Variants in DDHD1 observed in about 807,000 individuals in gnomAD.
DDHD1 encodes the protein phospholipase DDHD1.
A neutral mutation model predicts 96.4 loss-of-function variants in DDHD1; 49 were observed. That is an observed-to-expected ratio of 0.51 (90% CI 0.40 to 0.64). The LOEUF is 0.64. Among genes scored for constraint, DDHD1 ranks in the 30% least tolerant of loss-of-function variants. DDHD1 has a pLI of 0.00. For synonymous variants in DDHD1, 442 were observed against 446.5 expected (o/e 0.99, Z 0.13); for missense variants, 1,106 against 1,161.2 (o/e 0.95, Z 0.69).
At chr14:53,124,673 T>TAGTAAATATTTGTAA (rs1889299935) in intron 1 of DDHD1, among the ~76,000 whole-genome samples, 2 of 152,180 alleles carry the variant, frequency 1.3e-5, no homozygotes, top group Non-Finnish European at 2.9e-5. Context: ...ATTTACTAAT[T>TAGTAAATATTTGTAA]TTGATTCAAG....
At chr14:53,075,877 A>G (rs1163431184) in intron 4 of DDHD1, among the ~76,000 whole-genome samples, 1 of 152,170 alleles carries the variant, frequency 6.6e-6, no homozygotes, top group African/African-American at 2.4e-5. Flanking sequence ...ATAGCAGCAC[A>G]TCTTTTTTAC....
At position 53,046,608 on chromosome 14, in the gene DDHD1, CTTCT is replaced by C. The variant is rs908454125; in HGVS notation, c.*156_*159del. The C allele has an allele frequency of 4.8e-5, 21 of 439,858 alleles. No individual in the cohort carries two copies. The highest frequency in any genetic ancestry group is 4.0e-4 in the African/African-American group (12 of 30,274). 27.2% of individuals were successfully genotyped at this position (439,858 alleles called of 1,614,324 possible). A position where few individuals can be genotyped will look rare whatever the true frequency, so the allele number is the denominator to read the frequency against. On this transcript the variant is annotated 3_prime_UTR_variant, in exon 13 of 13. Transcript: ENST00000673822. ...TAAATGACTTCTTCAGAACTGAAAA[CTTCT>C]TTTTTTTTTAAATAAAGTGCTTTTA...
At chr14:53,143,926 T>A (rs924215434) in intron 1 of DDHD1, among the ~76,000 whole-genome samples, 8 of 152,228 alleles carry the variant, frequency 5.3e-5, no homozygotes, top group Non-Finnish European at 1.2e-4. Context: ...TCTACTTTAC[T>A]TTTTACAGGG....
chr14:53,115,703 G>A (rs946262849), intron 1 of DDHD1, among the ~76,000 whole-genome samples: 1 of 63,814 alleles, frequency 1.6e-5, no homozygotes, highest in African/African-American at 3.0e-5. Flanking sequence ...CACCAAGCCT[G>A]CCTTACAAGA....
intron 1 of DDHD1, among the ~76,000 whole-genome samples, chr14:53,115,356 A>C (rs972715868): frequency 4.6e-5 from 7 of 152,192 alleles, no homozygotes; most frequent in Admixed American, 4.6e-4. Context: ...GCCAACATTC[A>C]AATTCAGGAA....
At chr14:53,130,736 G>T (rs1889806799) in intron 1 of DDHD1, among the ~76,000 whole-genome samples, 1 of 152,166 alleles carries the variant, frequency 6.6e-6, no homozygotes, top group African/African-American at 2.4e-5. Context: ...GTAAGCTGTT[G>T]TCCCATCTGT....
intron 2 of DDHD1, among the ~76,000 whole-genome samples, chr14:53,095,531 C>A (rs1886818046): frequency 1.3e-5 from 2 of 152,082 alleles, no homozygotes; most frequent in South Asian, 2.1e-4. Flanking sequence ...TTATGAAAAA[C>A]CAATTTATAT....
chr14:53,112,995 T>C (rs1219490297), intron 1 of DDHD1, among the ~76,000 whole-genome samples: 1 of 152,200 alleles, frequency 6.6e-6, no homozygotes, highest in Non-Finnish European at 1.5e-5. Flanking sequence ...AGTCTCACTC[T>C]GTCATCCAGG....
chr14:53,118,201 G>A (rs944776085), intron 1 of DDHD1, among the ~76,000 whole-genome samples: 2 of 152,140 alleles, frequency 1.3e-5, no homozygotes, highest in African/African-American at 4.8e-5. Flanking sequence ...CCACAAAGAT[G>A]GGGAGAAACC....
intron 2 of DDHD1, among the ~76,000 whole-genome samples, chr14:53,100,353 C>T (rs369987114): frequency 5.9e-5 from 9 of 152,112 alleles, no homozygotes; most frequent in African/African-American, 1.9e-4. Flanking sequence ...TGGTAGTGTA[C>T]ACCTTCTTGG....
chr14:53,056,508 GCTGGTCTCAAACTC>G (rs1323122632), intron 9 of DDHD1, among the ~76,000 whole-genome samples: 1 of 152,028 alleles, frequency 6.6e-6, no homozygotes, highest in African/African-American at 2.4e-5. Context: ...TGGTGCCCAG[GCTGGTCTCAAACTC>G]CTGGGCTCAG....
chr14:53,135,998 T>G (rs1258199404), intron 1 of DDHD1, among the ~76,000 whole-genome samples: 1 of 152,106 alleles, frequency 6.6e-6, no homozygotes, highest in African/African-American at 2.4e-5. Flanking sequence ...AAAGTGAAAA[T>G]AGCCTTAACT....
intron 6 of DDHD1, among the ~76,000 whole-genome samples, chr14:53,067,156 C>CTT (rs749028980): frequency 1.5e-4 from 20 of 137,856 alleles, no homozygotes; most frequent in African/African-American, 4.5e-4. Context: ...TATTCCTTTT[C>CTT]TTTTTTTTTT....
At chr14:53,094,786 A>G (rs1886734120) in intron 2 of DDHD1, among the ~76,000 whole-genome samples, 1 of 151,598 alleles carries the variant, frequency 6.6e-6, no homozygotes, top group East Asian at 1.9e-4. Context: ...CAAGCCTGCA[A>G]TGAGCTATGA....
chr14:53,119,662 T>C (rs1566583344), intron 1 of DDHD1, among the ~76,000 whole-genome samples: 1 of 152,178 alleles, frequency 6.6e-6, no homozygotes, highest in African/African-American at 2.4e-5. Context: ...TGCAAATCAA[T>C]AAACGTAATC....
In DDHD1 at chr14:53,152,826, G is replaced by A. The variant is rs2358189; in HGVS notation, c.273C>T (p.Phe91=). ...DPCLSDENYD[F]SSAESGSSLR... ...GCGAGGAGCCCGACTCGGCGGAGCT[G>A]AAGTCATAGTTCTCGTCACTGAGGC... Residue 91 remains phenylalanine, a synonymous_variant, in exon 1 of 13, where the codon TTC becomes TTT. Transcript: ENST00000673822. The A allele has an allele frequency of 0.82, 1,327,840 of 1,611,876 alleles. 554,191 individuals are homozygous for A. Among genetic ancestry groups the A allele is most frequent in the East Asian group, 0.96 (42,789 of 44,704 alleles).
intron 10 of DDHD1, 34 bp downstream of exon 10, chr14:53,055,626 T>C: frequency 1.2e-6 from 2 of 1,602,092 alleles, no homozygotes; most frequent in Non-Finnish European, 1.7e-6. Flanking sequence ...AAAGTGCTTA[T>C]ATGCATAGAT....
In DDHD1 at chr14:53,044,865, A is replaced by T. The variant is rs1355604264; in HGVS notation, c.*1903T>A. 6.6e-6 allele frequency: 1 copy of T among 152,212 alleles called. No homozygotes were observed. Among genetic ancestry groups the T allele is most frequent in the Non-Finnish European group, 1.5e-5 (1 of 68,048 alleles). The allele number at this position is 152,212 out of a possible 1,614,324, so 9.4% of individuals were successfully genotyped here. A position where few individuals can be genotyped will look rare whatever the true frequency, so the allele number is the denominator to read the frequency against. Reference sequence around the variant, plus strand: ...TCTACTATCTTATGAAGAAAGGAGGAGGTGAGAGATACAGCTGACCAACTT... The same window carrying T: ...TCTACTATCTTATGAAGAAAGGAGGTGGTGAGAGATACAGCTGACCAACTT... On this transcript the variant is annotated 3_prime_UTR_variant, in exon 13 of 13. Transcript: ENST00000673822.
Position 53,093,398 on chromosome 14 carries a change from A to T in DDHD1, c.1059T>A (p.Ser353Arg). ...KLSRNHVDWHSVDEVYLYSDA... is the reference protein window; with the variant it reads ...KLSRNHVDWHRVDEVYLYSDA... ...CACTATAAAGATATACTTCATCCAC[A>T]CTGTGCCAGTCCACATGGTTTCGAC... Residue 353 changes from serine (S) to arginine (R), a missense_variant, in exon 3 of 13, where the codon AGT becomes AGA. Ser to Arg is a moderately radical substitution (Grantham distance 110). Around this residue, in one of 2 missense-constraint regions of DDHD1, gnomAD observed 650 missense variants for 758.8 expected, o/e 0.86. Transcript: ENST00000673822. 1.2e-6 allele frequency: 2 copies of T among 1,613,000 alleles called. No individual in the cohort carries two copies. The highest frequency in any genetic ancestry group is 1.7e-5 in the Admixed American group (1 of 59,878).
Sources: gnomAD v4.1 joint callset for allele counts (sites outside exome capture counted in the v4.1 genomes callset) on GRCh38, gnomAD v4.1.1 for gene constraint, gnomAD v4.1.1 regional missense constraint, MANE v1.5 for transcripts, NCBI Gene and HGNC (gene_info 2026-07-23, HGNC 2026-07-21) for gene names.